Variants in ZSCAN5A observed in about 807,000 individuals in gnomAD.
ZSCAN5A encodes the protein zinc finger and SCAN domain containing 5A, also known as zinc finger and SCAN domain-containing protein 5A.
A neutral mutation model predicts 23.7 loss-of-function variants in ZSCAN5A; 12 were observed. The observed-to-expected ratio is 0.51, with a 90% CI of 0.32 to 0.82. The LOEUF is 0.82. Ranked by LOEUF, ZSCAN5A falls within the 40% of genes least tolerant of loss-of-function variation. ZSCAN5A has a pLI of 0.03. For missense variants in ZSCAN5A, 597 were observed against 617.9 expected (o/e 0.97, Z 0.36); for synonymous variants, 257 against 239.9 (o/e 1.07, Z -0.66).
chr19:56,268,400 T>C (rs1435523506), intron 2 of ZSCAN5A, among the ~76,000 whole-genome samples: 1 of 152,196 alleles, frequency 6.6e-6, no homozygotes, highest in Non-Finnish European at 1.5e-5. Context: ...TACAGAGGGG[T>C]TGAACTATTT....
At chr19:56,240,788 C>T (rs570093116) in intron 2 of ZSCAN5A, among the ~76,000 whole-genome samples, 2 of 151,906 alleles carry the variant, frequency 1.3e-5, no homozygotes, top group South Asian at 4.2e-4. Context: ...CCCAGGCTGG[C>T]TTGAATTCCT....
In ZSCAN5A at chr19:56,230,718, A is replaced by G. The variant is rs1266114311; in HGVS notation, c.-127-5545T>C. The stretch of plus-strand genomic sequence containing the variant: ...AAGTATACAGTACAGATGCTCCTCG[A>G]CTTACAATGAAGTTACATCCTGATA... On this transcript the variant is annotated intron_variant, in intron 2 of 5. Coordinates refer to ENST00000683990, the MANE Select transcript of ZSCAN5A (RefSeq NM_001322064.3). Among the ~76,000 whole-genome samples, 3 of 151,960 alleles carry G rather than the reference A, an allele frequency of 2.0e-5. No homozygotes were observed. In the East Asian group the frequency reaches 5.8e-4, roughly 29 times the overall value.
intron 2 of ZSCAN5A, among the ~76,000 whole-genome samples, chr19:56,298,752 T>A (rs2040044430): frequency 6.6e-6 from 1 of 152,134 alleles, no homozygotes; most frequent in Non-Finnish European, 1.5e-5. Context: ...CAGGATCAAG[T>A]TAGCTTTAAT....
intron 2 of ZSCAN5A, among the ~76,000 whole-genome samples, chr19:56,237,185 C>T (rs991832445): frequency 3.9e-5 from 6 of 152,214 alleles, no homozygotes; most frequent in Non-Finnish European, 7.3e-5. Flanking sequence ...TTTTGTCTTT[C>T]GTTGCTTTGT....
At chr19:56,333,495 TCTGA>T (rs1391312432) in intron 2 of ZSCAN5A, among the ~76,000 whole-genome samples, 2 of 152,044 alleles carry the variant, frequency 1.3e-5, no homozygotes, top group African/African-American at 4.8e-5. Flanking sequence ...TACCAGAAGC[TCTGA>T]CTGATTTCTT....
intron 2 of ZSCAN5A, among the ~76,000 whole-genome samples, chr19:56,278,096 G>A (rs2038400485): frequency 7.9e-6 from 1 of 127,040 alleles, no homozygotes. Context: ...CTGTCACAAT[G>A]TGCTATTTTT....
chr19:56,237,019 A>G (rs1199266445), intron 2 of ZSCAN5A, among the ~76,000 whole-genome samples: 4 of 152,348 alleles, frequency 2.6e-5, no homozygotes, highest in Admixed American at 6.5e-5. Flanking sequence ...GGTGTAGCCA[A>G]TGGGAGGCCT....
At chr19:56,240,110 C>G (rs143039734) in intron 2 of ZSCAN5A, among the ~76,000 whole-genome samples, 1 of 151,246 alleles carries the variant, frequency 6.6e-6, no homozygotes, top group East Asian at 1.9e-4. Flanking sequence ...TGCAGTGAGC[C>G]GAGATCACGC....
intron 2 of ZSCAN5A, chr19:56,343,499 A>G (rs536180058): frequency 4.7e-6 from 2 of 426,266 alleles, no homozygotes; most frequent in South Asian, 3.5e-5. Flanking sequence ...GCCCAATTCT[A>G]CCAAATGCCA....
At chr19:56,226,928 A>AT (rs1568612794) in intron 2 of ZSCAN5A, among the ~76,000 whole-genome samples, 6 of 152,038 alleles carry the variant, frequency 3.9e-5, no homozygotes, top group Admixed American at 3.3e-4. Flanking sequence ...AGTTCAAATT[A>AT]CAAAAAAAAA....
chr19:56,228,154 T>C, intron 2 of ZSCAN5A: 1 of 940,488 alleles, frequency 1.1e-6, no homozygotes, highest in Non-Finnish European at 1.3e-6. Flanking sequence ...TCACAAAGTC[T>C]CCGAGAAAAC....
intron 2 of ZSCAN5A, among the ~76,000 whole-genome samples, chr19:56,346,080 GGAGA>G (rs1435454717): frequency 6.6e-6 from 1 of 150,456 alleles, no homozygotes. Flanking sequence ...GCAAGAGAAA[GGAGA>G]GACAGCAGAA....
chr19:56,229,007 G>T (rs1453825837), intron 2 of ZSCAN5A, among the ~76,000 whole-genome samples: 1 of 152,190 alleles, frequency 6.6e-6, no homozygotes, highest in African/African-American at 2.4e-5. Flanking sequence ...GTCCTACGGG[G>T]TTCCCTAGTT....
chr19:56,343,872 G>T (rs905778625), intron 2 of ZSCAN5A, among the ~76,000 whole-genome samples: 3 of 152,080 alleles, frequency 2.0e-5, no homozygotes, highest in African/African-American at 4.8e-5. Context: ...TTTTTAGAAA[G>T]AATGTTTTCC....
chr19:56,360,346 A>ATTG (rs1381893264), intron 2 of ZSCAN5A, among the ~76,000 whole-genome samples: 7 of 152,162 alleles, frequency 4.6e-5, no homozygotes, highest in African/African-American at 1.7e-4. Flanking sequence ...AAAATAAAAC[A>ATTG]CCTAGAAATA....
At chr19:56,228,157 G>A (rs2034130241) in intron 2 of ZSCAN5A, 3 of 953,126 alleles carry the variant, frequency 3.1e-6, no homozygotes, top group Non-Finnish European at 2.5e-6. Flanking sequence ...CAAAGTCTCC[G>A]AGAAAACGCA....
intron 2 of ZSCAN5A, chr19:56,347,949 T>G (rs1299778543): frequency 6.6e-6 from 1 of 152,220 alleles, no homozygotes; most frequent in African/African-American, 2.4e-5. Flanking sequence ...TAGTTGCTAT[T>G]GATGTGGCAG....
At chr19:56,334,398 A>G (rs2041516082) in intron 2 of ZSCAN5A, among the ~76,000 whole-genome samples, 1 of 152,184 alleles carries the variant, frequency 6.6e-6, no homozygotes, top group East Asian at 1.9e-4. Context: ...ATTATTTTTA[A>G]ATTTTTTATT....
At chr19:56,346,149 TA>T (rs72389651) in intron 2 of ZSCAN5A, among the ~76,000 whole-genome samples, 1,495 of 125,682 alleles carry the variant, frequency 0.012, 15 homozygotes, top group African/African-American at 0.03. Context: ...TTTGCTCAAT[TA>T]AAAAAAAAAA....
Sources: gnomAD v4.1 joint callset for allele counts (sites outside exome capture counted in the v4.1 genomes callset) on GRCh38, gnomAD v4.1.1 for gene constraint, MANE v1.5 for transcripts, NCBI Gene and HGNC (gene_info 2026-07-23, HGNC 2026-07-21) for gene names.